Variants in CDH12 observed in about 807,000 individuals in gnomAD.
CDH12 encodes cadherin 12.
A neutral mutation model predicts 74.1 loss-of-function variants in CDH12; 41 were observed. That is an observed-to-expected ratio of 0.55 (90% CI 0.43 to 0.72). CDH12 has a LOEUF of 0.72. Among genes scored for constraint, CDH12 ranks in the 30% least tolerant of loss-of-function variants. The pLI is 0.00. For missense variants in CDH12, 945 were observed against 977.2 expected (o/e 0.97, Z 0.44); for synonymous variants, 399 against 355.0 (o/e 1.12, Z -1.39).
intron 3 of CDH12, among the ~76,000 whole-genome samples, chr5:22,253,698 CT>C (rs1466380597): frequency 6.6e-6 from 1 of 151,754 alleles, no homozygotes; most frequent in Non-Finnish European, 1.5e-5. Flanking sequence ...TCCTCTTCCC[CT>C]TTTCCCTCTT....
chr5:22,449,472 A>AT (rs1370834611), intron 2 of CDH12, among the ~76,000 whole-genome samples: 1 of 152,052 alleles, frequency 6.6e-6, no homozygotes, highest in Non-Finnish European at 1.5e-5. Flanking sequence ...TTTTATTTAG[A>AT]TAAAAAGTAT....
At chr5:21,814,863 T>C (rs1286017607) in intron 9 of CDH12, among the ~76,000 whole-genome samples, 1 of 141,866 alleles carries the variant, frequency 7.0e-6, no homozygotes, top group Non-Finnish European at 1.6e-5. Flanking sequence ...TTGGAGACCT[T>C]CTTAGGGAAA....
At chr5:21,999,982 A>G (rs1561008183) in intron 5 of CDH12, among the ~76,000 whole-genome samples, 1 of 152,102 alleles carries the variant, frequency 6.6e-6, no homozygotes, top group Non-Finnish European at 1.5e-5. Context: ...ACTAGGCATT[A>G]CCTAGTATTT....
intron 5 of CDH12, among the ~76,000 whole-genome samples, chr5:22,048,116 G>A (rs1417417968): frequency 6.6e-6 from 1 of 152,134 alleles, no homozygotes; most frequent in African/African-American, 2.4e-5. Flanking sequence ...TATTGGTCAT[G>A]CATTGGGTAC....
rs71583175 is a variant in CDH12 at position 22,117,522 on chromosome 5, TA to T, written c.-186-38661del. The stretch of plus-strand genomic sequence containing the variant: ...ATATAATATATATATAATATATATA[TA>T]ATATATATATATATATATAGTGTGT... On this transcript the variant is annotated intron_variant, in intron 4 of 14. Coordinates refer to ENST00000382254, the MANE Select transcript of CDH12 (RefSeq NM_004061.5). Among the ~76,000 whole-genome samples the T allele has an allele frequency of 1.2e-3, 105 of 88,070 alleles. 2 individuals are homozygous for T. The highest frequency in any genetic ancestry group is 4.6e-3 in the African/African-American group (94 of 20,226). The allele number at this position is 88,070 out of a possible 152,430, so 57.8% of individuals were successfully genotyped here.
chr5:22,689,556 C>T (rs896014229), intron 1 of CDH12, among the ~76,000 whole-genome samples: 2 of 151,892 alleles, frequency 1.3e-5, no homozygotes, highest in Admixed American at 6.6e-5. Context: ...AGGAAGTTGA[C>T]CCATATTTTT....
At chr5:22,404,992 C>T (rs1380539732) in intron 3 of CDH12, among the ~76,000 whole-genome samples, 1 of 152,090 alleles carries the variant, frequency 6.6e-6, no homozygotes, top group African/African-American at 2.4e-5. Context: ...GGTGGATCAC[C>T]TGAGGTCAGG....
chr5:22,020,821 T>A (rs1737926485), intron 5 of CDH12, among the ~76,000 whole-genome samples: 1 of 152,106 alleles, frequency 6.6e-6, no homozygotes, highest in African/African-American at 2.4e-5. Flanking sequence ...ACATTAGATG[T>A]TAGGGCTTCA....
At chr5:22,116,680 G>A (rs998169514) in intron 4 of CDH12, among the ~76,000 whole-genome samples, 6 of 151,480 alleles carry the variant, frequency 4.0e-5, no homozygotes, top group Admixed American at 3.9e-4. Flanking sequence ...TTAGCCTAGT[G>A]ATGCCTTAAG....
chr5:22,264,503 G>T (rs1580460091), intron 3 of CDH12, among the ~76,000 whole-genome samples: 1 of 152,042 alleles, frequency 6.6e-6, no homozygotes, highest in Admixed American at 6.6e-5. Context: ...AAGTATAAAA[G>T]TGTTCAATAC....
chr5:22,559,513 G>A (rs1738948549), intron 1 of CDH12, among the ~76,000 whole-genome samples: 2 of 152,060 alleles, frequency 1.3e-5, no homozygotes, highest in African/African-American at 4.8e-5. Context: ...CATTTTGGAA[G>A]AGTGCTATGA....
chr5:22,026,247 T>C (rs1386355185), intron 5 of CDH12, among the ~76,000 whole-genome samples: 3 of 152,242 alleles, frequency 2.0e-5, no homozygotes, highest in Admixed American at 2.0e-4. Flanking sequence ...GGGGCCAAAC[T>C]GGTTAGACAT....
At chr5:22,104,938 G>A (rs1189976535) in intron 4 of CDH12, among the ~76,000 whole-genome samples, 1 of 152,082 alleles carries the variant, frequency 6.6e-6, no homozygotes, top group Non-Finnish European at 1.5e-5. Flanking sequence ...TGCTAGGGCT[G>A]ATTTCTTCTG....
intron 2 of CDH12, among the ~76,000 whole-genome samples, chr5:22,450,237 T>C (rs1354032266): frequency 6.6e-6 from 1 of 151,906 alleles, no homozygotes; most frequent in Non-Finnish European, 1.5e-5. Flanking sequence ...ACCTTCAGAG[T>C]TAGTGGCTAC....
intron 3 of CDH12, among the ~76,000 whole-genome samples, chr5:22,267,154 T>G (rs937430050): frequency 3.3e-5 from 5 of 152,148 alleles, no homozygotes; most frequent in Non-Finnish European, 5.9e-5. Flanking sequence ...GGGCTATTAA[T>G]GCATGATTAT....
chr5:22,135,037 G>A (rs1580303748), intron 4 of CDH12, among the ~76,000 whole-genome samples: 1 of 152,082 alleles, frequency 6.6e-6, no homozygotes, highest in Non-Finnish European at 1.5e-5. Context: ...AAATGGCAAA[G>A]AGAGTGAACC....
intron 1 of CDH12, among the ~76,000 whole-genome samples, chr5:22,752,541 AC>A: frequency 8.5e-6 from 1 of 118,164 alleles, no homozygotes; most frequent in African/African-American, 3.4e-5. Context: ...CAGATAGGAT[AC>A]TTCTTTTTTT....
At chr5:22,387,221 A>G (rs1742035287) in intron 3 of CDH12, among the ~76,000 whole-genome samples, 1 of 152,240 alleles carries the variant, frequency 6.6e-6, no homozygotes, top group Non-Finnish European at 1.5e-5. Flanking sequence ...GCCTTTAAAA[A>G]GTTACATTTT....
chr5:22,436,823 C>T (rs924073867), intron 2 of CDH12, among the ~76,000 whole-genome samples: 1 of 152,096 alleles, frequency 6.6e-6, no homozygotes, highest in African/African-American at 2.4e-5. Flanking sequence ...GAGAGAAGGT[C>T]GTTACCCTTT....
Sources: gnomAD v4.1 joint callset for allele counts (sites outside exome capture counted in the v4.1 genomes callset) on GRCh38, gnomAD v4.1.1 for gene constraint, MANE v1.5 for transcripts, NCBI Gene and HGNC (gene_info 2026-07-23, HGNC 2026-07-21) for gene names.